NPFFR2: variants seen among roughly 807,000 people sequenced by gnomAD.
NPFFR2 encodes neuropeptide FF receptor 2, also known as G-protein coupled receptor 74.
A neutral mutation model predicts 13.1 loss-of-function variants in NPFFR2; 15 were observed. The observed-to-expected ratio is 1.15, with a 90% CI of 0.77 to 1.76. NPFFR2 has a LOEUF of 1.76. NPFFR2 is among the 40% of genes most tolerant of loss of function. NPFFR2 has a pLI of 0.00. For synonymous variants in NPFFR2, 190 were observed against 175.7 expected (o/e 1.08, Z -0.65); for missense variants, 572 against 503.5 (o/e 1.14, Z -1.30).
intron 1 of NPFFR2, chr4:72,039,519 T>G (rs1361511959): frequency 2.6e-6 from 1 of 379,664 alleles, no homozygotes; most frequent in African/African-American, 2.2e-5. Context: ...ATTTAAAAAA[T>G]ATATGCATCT....
At chr4:72,081,354 TG>T (rs1286849125) in intron 1 of NPFFR2, among the ~76,000 whole-genome samples, 2 of 152,184 alleles carry the variant, frequency 1.3e-5, no homozygotes, top group East Asian at 3.8e-4. Context: ...GAAAAGGTGT[TG>T]ATGTCTGCTG....
intron 3 of NPFFR2, 46 bp downstream of exon 3, chr4:72,138,185 C>A: frequency 1.6e-6 from 2 of 1,270,140 alleles, no homozygotes; most frequent in Non-Finnish European, 1.1e-6. Context: ...GGCATGTCTG[C>A]AACTAGTATA....
At chr4:72,040,207 G>A (rs891271152) in intron 1 of NPFFR2, among the ~76,000 whole-genome samples, 1 of 152,034 alleles carries the variant, frequency 6.6e-6, no homozygotes, top group African/African-American at 2.4e-5. Context: ...GGATTCCAGT[G>A]TTGATTAATA....
intron 2 of NPFFR2, among the ~76,000 whole-genome samples, chr4:72,130,898 A>G (rs1318230108): frequency 6.6e-6 from 1 of 152,140 alleles, no homozygotes; most frequent in East Asian, 1.9e-4. Context: ...AGGTCGCATG[A>G]ACGAATTGAA....
rs76140920 is a variant in NPFFR2, at chr4:72,108,795, A to G, written c.-7-19790A>G. ...TCCATTTAATTAGTGTTTATCTTCA[A>G]TTGCACATTTTATATGATTTGATGG... On this transcript the variant is annotated intron_variant, in intron 1 of 3. Coordinates refer to ENST00000308744, the MANE Select transcript of NPFFR2 (RefSeq NM_004885.3). Among the ~76,000 whole-genome samples, 44 of 152,082 alleles carry G rather than the reference A, an allele frequency of 2.9e-4. No individual in the cohort carries two copies. The East Asian group carries it at 7.6e-3, about 26-fold the overall frequency.
rs368440826 is a variant in NPFFR2, at chr4:72,042,550, AC to A, written c.-8+10352del. ...CCTAGAGACTTGTTGAATGGCTTTG[AC>A]CAAAATGCTGATAGTGATATGGACA... On this transcript the variant is annotated intron_variant, in intron 1 of 3. Transcript: ENST00000308744. Among the ~76,000 whole-genome samples the A allele has an allele frequency of 2.2e-3, 341 of 152,316 alleles. 5 individuals are homozygous for A. Among genetic ancestry groups the A allele is most frequent in the African/African-American group, 7.7e-3 (321 of 41,570 alleles).
intron 1 of NPFFR2, among the ~76,000 whole-genome samples, chr4:72,106,431 G>T (rs1721421337): frequency 6.6e-6 from 1 of 152,170 alleles, no homozygotes; most frequent in African/African-American, 2.4e-5. Context: ...CACGGCCAAG[G>T]AAAGAGCCAG....
chr4:72,041,264 C>A (rs1341434639), intron 1 of NPFFR2, among the ~76,000 whole-genome samples: 3 of 152,168 alleles, frequency 2.0e-5, no homozygotes, highest in Non-Finnish European at 4.4e-5. Context: ...TTTTCTGTTT[C>A]TGCATTTATT....
At chr4:72,138,964 T>C (rs1722510122) in intron 3 of NPFFR2, among the ~76,000 whole-genome samples, 1 of 152,218 alleles carries the variant, frequency 6.6e-6, no homozygotes, top group African/African-American at 2.4e-5. Flanking sequence ...CTAACTGGTG[T>C]GAGATGGTAT....
intron 1 of NPFFR2, among the ~76,000 whole-genome samples, chr4:72,087,953 G>A (rs1415565177): frequency 6.6e-6 from 1 of 151,996 alleles, no homozygotes; most frequent in Admixed American, 6.6e-5. Context: ...AAATAGCCAT[G>A]CAAAAGTGTA....
intron 1 of NPFFR2, among the ~76,000 whole-genome samples, chr4:72,109,690 T>TC (rs1669408462): frequency 5.4e-3 from 1 of 186 alleles, no homozygotes; most frequent in African/African-American, 0.014. Flanking sequence ...CTTCCCTAAA[T>TC]TCCATGAAAT....
At chr4:72,039,102 A>C (rs1423560698) in intron 1 of NPFFR2, 1 of 148,412 alleles carries the variant, frequency 6.7e-6, no homozygotes, top group East Asian at 2.1e-4. Flanking sequence ...TCTGTCGCCC[A>C]GGCTGGAATG....
At chr4:72,085,877 A>G (rs1174402654) in intron 1 of NPFFR2, among the ~76,000 whole-genome samples, 1 of 152,158 alleles carries the variant, frequency 6.6e-6, no homozygotes, top group Admixed American at 6.6e-5. Flanking sequence ...TTTAGTGTAT[A>G]TACATATTGT....
At chr4:72,141,786 C>T (rs191878575) in intron 3 of NPFFR2, among the ~76,000 whole-genome samples, 349 of 152,172 alleles carry the variant, frequency 2.3e-3, no homozygotes, top group African/African-American at 4.3e-3. Context: ...CCACTTGTTG[C>T]GAGCTGAGTT....
chr4:72,054,540 AAG>A (rs1163657495), intron 1 of NPFFR2, among the ~76,000 whole-genome samples: 1 of 151,950 alleles, frequency 6.6e-6, no homozygotes, highest in Non-Finnish European at 1.5e-5. Flanking sequence ...TAAAAATCAT[AAG>A]AGAAAATTTT....
At chr4:72,146,583 G>A (rs188696329) in intron 3 of NPFFR2, 369 of 180,098 alleles carry the variant, frequency 2.0e-3, no homozygotes, top group Non-Finnish European at 3.3e-3. Flanking sequence ...GAGCTCTGAA[G>A]CCAAACTACT....
At chr4:72,046,715 T>C (rs1719392147) in intron 1 of NPFFR2, among the ~76,000 whole-genome samples, 1 of 152,174 alleles carries the variant, frequency 6.6e-6, no homozygotes, top group African/African-American at 2.4e-5. Context: ...AGAAAAAGCC[T>C]AGATTGCTGT....
rs774736425 is a variant in NPFFR2 at position 72,138,117 on chromosome 4, T to C, written c.406T>C (p.Leu136=). 5.0e-6 allele frequency: 8 copies of C among 1,613,362 alleles called. No individual in the cohort carries two copies. In the South Asian group the frequency reaches 7.7e-5, roughly 16 times the overall value. ...ATCTGTCGCAGCTTCAGTCTTTACG[T>C]TAGTTGCAATTGCTGTAGATAGGTA... is the stretch of plus-strand genomic sequence containing the variant. The part of the protein sequence containing the change: ...GISVAASVFT[L]VAIAVDRFQC... Residue 136 remains leucine, a synonymous_variant, in exon 3 of 4, where the codon TTA becomes CTA. Transcript: ENST00000308744.
intron 1 of NPFFR2, among the ~76,000 whole-genome samples, chr4:72,088,971 C>T (rs888735191): frequency 3.3e-5 from 5 of 151,922 alleles, no homozygotes; most frequent in African/African-American, 1.2e-4. Flanking sequence ...GTCTTTTATC[C>T]CTCAACCCTC....
Sources: allele counts gnomAD v4.1 joint callset (sites outside exome capture counted in the v4.1 genomes callset), GRCh38; gene constraint gnomAD v4.1.1; transcripts MANE v1.5; gene names NCBI Gene and HGNC (gene_info 2026-07-23, HGNC 2026-07-21).